STK32A: variants seen among roughly 807,000 people sequenced by gnomAD.
The protein encoded by STK32A is serine/threonine kinase 32A.
STK32A carries 41 observed loss-of-function variants against 53.2 expected under a neutral mutation model. The observed-to-expected ratio is 0.77, with a 90% CI of 0.60 to 1.00. The LOEUF (loss-of-function observed/expected upper bound fraction) is 1.00. Ranked by LOEUF, STK32A falls within the 50% of genes least tolerant of loss-of-function variation. The pLI, the probability that STK32A is intolerant of heterozygous loss-of-function variation, is 0.00. For missense variants in STK32A, 458 were observed against 485.8 expected (o/e 0.94, Z 0.54); for synonymous variants, 166 against 162.8 (o/e 1.02, Z -0.15).
intron 4 of STK32A, among the ~76,000 whole-genome samples, chr5:147,288,149 A>G (rs990431665): frequency 2.6e-5 from 4 of 152,254 alleles, no homozygotes; most frequent in African/African-American, 7.2e-5. Flanking sequence ...AACACTAGGC[A>G]TCATTAACAA....
In STK32A at chr5:147,362,924, CT is replaced by C. The variant is rs34446286; in HGVS notation, c.660+1320del. Among the ~76,000 whole-genome samples the C allele has an allele frequency of 0.013, 1,995 of 148,098 alleles. 137 individuals are homozygous for C. The East Asian group carries it at 0.21, about 15-fold the overall frequency. ...ATGGGAGACCCTGTGTCTACAACAC[CT>C]TTTTTTTTTAATTAGCCAGGCATGG... is the stretch of plus-strand genomic sequence containing the variant. On this transcript the variant is annotated intron_variant, in intron 8 of 12. Transcript: ENST00000397936.
intron 4 of STK32A, among the ~76,000 whole-genome samples, chr5:147,298,765 C>T (rs1349974833): frequency 1.3e-5 from 2 of 152,174 alleles, no homozygotes; most frequent in Admixed American, 6.5e-5. Flanking sequence ...AAAACCTTAA[C>T]TTCAGAGAAA....
chr5:147,379,334 T>A (rs1353832838), intron 11 of STK32A, among the ~76,000 whole-genome samples: 1 of 152,032 alleles, frequency 6.6e-6, no homozygotes, highest in Non-Finnish European at 1.5e-5. Flanking sequence ...GCAACCATGA[T>A]TGAGATACAC....
chr5:147,344,487 C>T (rs1755588905), intron 6 of STK32A, among the ~76,000 whole-genome samples: 1 of 152,168 alleles, frequency 6.6e-6, no homozygotes, highest in Non-Finnish European at 1.5e-5. Flanking sequence ...TACCAGCTAT[C>T]CAGAGCTAGG....
In STK32A at chr5:147,385,754, G is replaced by C. The variant is rs911308664; in HGVS notation, c.*1771G>C. On this transcript the variant is annotated 3_prime_UTR_variant, in exon 13 of 13. Transcript: ENST00000397936. ...ATGCCCCTGGGTAGGGTCCAGAAGT[G>C]AACAGGCTTGGTGGGGGATTGTTTT... The C allele has an allele frequency of 6.6e-6, 1 of 152,252 alleles. No homozygotes were observed. Among genetic ancestry groups the C allele is most frequent in the African/African-American group, 2.4e-5 (1 of 41,450 alleles). The allele number at this position is 152,252 out of a possible 1,614,324, so 9.4% of individuals were successfully genotyped here.
intron 4 of STK32A, among the ~76,000 whole-genome samples, chr5:147,323,628 T>C (rs1345114749): frequency 6.6e-6 from 1 of 152,234 alleles, no homozygotes; most frequent in Non-Finnish European, 1.5e-5. Context: ...TAAACAGTTA[T>C]TGAGTGCTTA....
chr5:147,374,699 G>A (rs1465583767), intron 10 of STK32A, among the ~76,000 whole-genome samples: 1 of 152,138 alleles, frequency 6.6e-6, no homozygotes. Context: ...TAAAGTGCAA[G>A]TTCTTGGACC....
chr5:147,319,450 G>A (rs1423571643), intron 4 of STK32A, among the ~76,000 whole-genome samples: 1 of 152,084 alleles, frequency 6.6e-6, no homozygotes, highest in Non-Finnish European at 1.5e-5. Flanking sequence ...CCACAATGGG[G>A]TATTGTTTTT....
downstream of STK32A, among the ~76,000 whole-genome samples, chr5:147,388,431 A>G (rs1757726954): frequency 6.6e-6 from 1 of 152,144 alleles, no homozygotes; most frequent in African/African-American, 2.4e-5. Context: ...GGCTGTTGTA[A>G]GTTTTGTGGC....
chr5:147,397,053 A>G, the STK32A span, among the ~76,000 whole-genome samples: 14 of 147,864 alleles, frequency 9.5e-5, no homozygotes, highest in African/African-American at 3.2e-4. Flanking sequence ...ATATTATTCT[A>G]TATTTATATA....
intron 5 of STK32A, among the ~76,000 whole-genome samples, chr5:147,341,426 T>C (rs1755401418): frequency 6.6e-6 from 1 of 152,212 alleles, no homozygotes; most frequent in African/African-American, 2.4e-5. Context: ...GAATATGATA[T>C]TAATCAAGAA....
the STK32A span, among the ~76,000 whole-genome samples, chr5:147,396,568 T>C: frequency 6.6e-6 from 1 of 152,174 alleles, no homozygotes; most frequent in Non-Finnish European, 1.5e-5. Context: ...CCTCCTTCCC[T>C]GTTAGTGACT....
intron 4 of STK32A, among the ~76,000 whole-genome samples, chr5:147,284,500 C>T (rs1048878255): frequency 6.6e-6 from 1 of 151,980 alleles, no homozygotes; most frequent in Non-Finnish European, 1.5e-5. Context: ...GATCGTTTAA[C>T]TTGAAAACCC....
At chr5:147,245,934 G>A (rs1024307156) in intron 2 of STK32A, among the ~76,000 whole-genome samples, 6 of 152,194 alleles carry the variant, frequency 3.9e-5, no homozygotes, top group African/African-American at 1.4e-4. Flanking sequence ...ATTGGCCACA[G>A]ATTTGCAATC....
At chr5:147,290,125 G>A (rs942826787) in intron 4 of STK32A, among the ~76,000 whole-genome samples, 1 of 152,150 alleles carries the variant, frequency 6.6e-6, no homozygotes. Flanking sequence ...ATATCTTGGT[G>A]AGCAGAAATA....
At chr5:147,306,084 G>C (rs946896197) in intron 4 of STK32A, among the ~76,000 whole-genome samples, 3 of 152,014 alleles carry the variant, frequency 2.0e-5, no homozygotes, top group African/African-American at 7.2e-5. Context: ...TGTATGAAAA[G>C]TCAAGTTGCT....
At chr5:147,348,714 G>A (rs779771977) in intron 6 of STK32A, 1 of 774,006 alleles carries the variant, frequency 1.3e-6, no homozygotes, top group Non-Finnish European at 2.4e-6. Context: ...TCTCCTACAA[G>A]TCCCACTGAA....
rs982971731 is a variant in STK32A at position 147,303,404 on chromosome 5, C to T, written c.261-20494C>T. Reference sequence around the variant, plus strand: ...CATGAGACTAACCCTGGCTTCTTCACGTGCGGGTGGAAGGGTTCCTAACAG... The same window carrying T: ...CATGAGACTAACCCTGGCTTCTTCATGTGCGGGTGGAAGGGTTCCTAACAG... On this transcript the variant is annotated intron_variant, in intron 4 of 12. Transcript: ENST00000397936. 5.3e-5 allele frequency among the ~76,000 whole-genome samples: 8 copies of T among 152,152 alleles called. No homozygotes were observed. The East Asian group carries it at 5.8e-4, about 11-fold the overall frequency.
intron 4 of STK32A, among the ~76,000 whole-genome samples, chr5:147,283,150 A>G (rs1752143984): frequency 6.6e-6 from 1 of 152,214 alleles, no homozygotes; most frequent in Non-Finnish European, 1.5e-5. Flanking sequence ...AAACTTCAAA[A>G]CCATGCAAAT....
Sources: allele counts gnomAD v4.1 joint callset (sites outside exome capture counted in the v4.1 genomes callset), GRCh38; gene constraint gnomAD v4.1.1; transcripts MANE v1.5; gene names NCBI Gene and HGNC (gene_info 2026-07-23, HGNC 2026-07-21).